VPS13C: variants seen among roughly 807,000 people sequenced by gnomAD.
VPS13C encodes intermembrane lipid transfer protein VPS13C.
In VPS13C, 358 loss-of-function variants were observed where a neutral mutation model predicts 456.8. That is an observed-to-expected ratio of 0.78 (90% CI 0.72 to 0.86). The LOEUF is 0.86. VPS13C is among the 40% of genes least tolerant of loss of function. The probability of loss-of-function intolerance (pLI) is 0.00; values close to 1 mark genes in which losing one functional copy is unlikely to be tolerated. For missense variants in VPS13C, 4,818 were observed against 4,385.4 expected, an observed-to-expected ratio of 1.10 and a Z score of -2.79; for synonymous variants, 1,578 against 1,486.7, an observed-to-expected ratio of 1.06 and a Z score of -1.41.
rs796333079 is a variant in VPS13C at position 61,881,487 on chromosome 15, A to C, written c.9776+76T>G. The C allele has an allele frequency of 7.0e-6, 10 of 1,427,336 alleles. No homozygotes were observed. The African/African-American group carries it at 1.5e-4, about 21-fold the overall frequency. 88.4% of individuals were successfully genotyped at this position (1,427,336 alleles called of 1,614,324 possible). ...ACTTTTTACATGAAAGTCACTTTCA[A>C]AAAGAGTAAGATTTATTTTCAAAGT... is the stretch of plus-strand genomic sequence containing the variant. On this transcript the variant is annotated intron_variant, in intron 71 of 84. Transcript: ENST00000644861.
chr15:61,962,223 T>C (rs1197190494), intron 34 of VPS13C, 148 bp downstream of exon 34: 4 of 678,616 alleles, frequency 5.9e-6, no homozygotes, highest in East Asian at 3.0e-5. Context: ...AACTGTTAAA[T>C]AGGGGTTTTG....
chr15:61,992,499 G>A (rs1203532124), intron 16 of VPS13C, among the ~76,000 whole-genome samples: 4 of 152,012 alleles, frequency 2.6e-5, no homozygotes, highest in Non-Finnish European at 5.9e-5. Context: ...GTAGTGAATC[G>A]GTAACATATT....
chr15:61,937,090 C>T (rs1320202635), intron 47 of VPS13C, among the ~76,000 whole-genome samples: 2 of 152,010 alleles, frequency 1.3e-5, no homozygotes, highest in Non-Finnish European at 2.9e-5. Context: ...TCAACCAGTA[C>T]CAGTTCCTTC....
intron 9 of VPS13C, among the ~76,000 whole-genome samples, chr15:62,016,795 G>A (rs1045513896): frequency 3.9e-5 from 6 of 152,164 alleles, no homozygotes. Context: ...CCAGTAATAG[G>A]ATGGCTAGGT....
chr15:61,937,783 G>T (rs1330657793), intron 47 of VPS13C, among the ~76,000 whole-genome samples: 1 of 152,050 alleles, frequency 6.6e-6, no homozygotes, highest in African/African-American at 2.4e-5. Context: ...TCTAAAATAG[G>T]CATAATACCA....
At chr15:61,929,961 T>C (rs1180411901) in intron 50 of VPS13C, among the ~76,000 whole-genome samples, 1 of 152,202 alleles carries the variant, frequency 6.6e-6, no homozygotes, top group African/African-American at 2.4e-5. Context: ...AATTACTGAA[T>C]ATTTTATACT....
rs2140826381 is a variant in VPS13C, at chr15:61,854,113, T to C, written c.*344A>G. 4.0e-6 allele frequency: 1 copy of C among 248,214 alleles called. No individual in the cohort carries two copies. The highest frequency in any genetic ancestry group is 7.8e-6 in the Non-Finnish European group (1 of 128,122). The allele number at this position is 248,214 out of a possible 1,614,324, so 15.4% of individuals were successfully genotyped here. Reference sequence around the variant, plus strand: ...AAGAACACTAGTCATTCTAAGCTCATTTCTTATTCTTCAGTAAGGCTTTAA... The same window carrying C: ...AAGAACACTAGTCATTCTAAGCTCACTTCTTATTCTTCAGTAAGGCTTTAA... On this transcript the variant is annotated 3_prime_UTR_variant, in exon 85 of 85. Coordinates refer to ENST00000644861, the MANE Select transcript of VPS13C (RefSeq NM_020821.3).
At chr15:62,017,638 G>A (rs2047305496) in intron 9 of VPS13C, among the ~76,000 whole-genome samples, 1 of 152,182 alleles carries the variant, frequency 6.6e-6, no homozygotes, top group South Asian at 2.1e-4. Flanking sequence ...CTGTTTCATT[G>A]GTCTGTATCT....
Position 62,037,237 on chromosome 15 carries a change from AATATATATAATATATTTATATATAT to A in VPS13C, c.188-2210_188-2186del, listed in dbSNP as rs1567136240. ...TATATTATATAATATATTATATATA[AATATATATAATATATTTATATATAT>A]TATATTATATAATATATTATATATA... On this transcript the variant is annotated intron_variant, in intron 3 of 84. Transcript: ENST00000644861. Among the ~76,000 whole-genome samples, 4 of 53,918 alleles carry A rather than the reference AATATATATAATATATTTATATATAT, an allele frequency of 7.4e-5. No individual in the cohort carries two copies. The East Asian group carries it at 1.3e-3, about 17-fold the overall frequency. 35.4% of individuals were successfully genotyped at this position (53,918 alleles called of 152,430 possible). A position where few individuals can be genotyped will look rare whatever the true frequency, so the allele number is the denominator to read the frequency against.
At chr15:61,914,335 G>A (rs986461808) in intron 61 of VPS13C, among the ~76,000 whole-genome samples, 19 of 152,086 alleles carry the variant, frequency 1.2e-4, no homozygotes, top group Admixed American at 3.3e-4. Context: ...TTGAGAGGCC[G>A]AGGCTGGCAG....
At chr15:62,041,430 T>C in intron 2 of VPS13C, 64 bp from the exon 3 acceptor site, 4 of 1,491,322 alleles carry the variant, frequency 2.7e-6, no homozygotes, top group Non-Finnish European at 2.7e-6. Flanking sequence ...AAAATCACTT[T>C]TGTGTGATCA....
At chr15:61,915,581 T>G (rs1596326257) in intron 61 of VPS13C, 52 bp downstream of exon 61, 3 of 1,500,404 alleles carry the variant, frequency 2.0e-6, no homozygotes, top group East Asian at 2.3e-5. Flanking sequence ...ACTCCCAAGT[T>G]TCTAGATTAG....
rs542993507 is a variant in VPS13C, at chr15:61,873,515, A to G, written c.10415-106T>C. On this transcript the variant is annotated intron_variant, in intron 77 of 84. Coordinates refer to ENST00000644861, the MANE Select transcript of VPS13C (RefSeq NM_020821.3). ...ATTTTAAAATAGGCAAACGATCTGA[A>G]TAAATATTTCTGAAAAGGAGACATA... 1.7e-5 allele frequency: 19 copies of G among 1,136,090 alleles called. No individual in the cohort carries two copies. In the African/African-American group the frequency reaches 2.8e-4, roughly 17 times the overall value. The allele number at this position is 1,136,090 out of a possible 1,614,324, so 70.4% of individuals were successfully genotyped here.
chr15:61,924,516 T>G (rs956392051), intron 53 of VPS13C, among the ~76,000 whole-genome samples: 2 of 152,194 alleles, frequency 1.3e-5, no homozygotes, highest in African/African-American at 4.8e-5. Flanking sequence ...AAAAACGTTT[T>G]TTGAATCAAT....
intron 66 of VPS13C, among the ~76,000 whole-genome samples, chr15:61,899,505 A>T (rs942071475): frequency 1.3e-5 from 2 of 152,224 alleles, no homozygotes; most frequent in Non-Finnish European, 1.5e-5. Flanking sequence ...TAAACTAGAA[A>T]ATCTAGAAGA....
intron 15 of VPS13C, among the ~76,000 whole-genome samples, chr15:62,003,259 G>C (rs866825176): frequency 1.3e-5 from 2 of 150,844 alleles, no homozygotes; most frequent in African/African-American, 5.0e-5. Context: ...GGATTCCTAG[G>C]TATTTTATTC....
Position 61,919,380 on chromosome 15 carries a change from C to T in VPS13C, c.7547G>A (p.Arg2516Gln), listed in dbSNP as rs766555427. The change falls in exon 58 of 85, where the codon CGG becomes CAG. Residue 2516 changes from arginine to glutamine, a missense_variant. Physicochemically the swap from Arg to Gln is conservative, Grantham distance 43. This residue lies in a region of VPS13C where 4,552 missense variants were observed against 4,130.6 expected (regional missense o/e 1.10). Coordinates refer to ENST00000644861, the MANE Select transcript of VPS13C (RefSeq NM_020821.3). ...ARPGRRLYNVRNPNASHSDSV... is the reference protein window; with the variant it reads ...ARPGRRLYNVQNPNASHSDSV... ...GTCAGAATGACTGGCATTGGGATTC[C>T]GTACATTATACAATCGCCGTCCAGG... The T allele has an allele frequency of 6.9e-6, 11 of 1,603,898 alleles. No individual in the cohort carries two copies. Among genetic ancestry groups the T allele is most frequent in the East Asian group, 2.3e-5 (1 of 44,104 alleles).
intron 73 of VPS13C, among the ~76,000 whole-genome samples, chr15:61,880,161 A>G (rs1895739558): frequency 6.6e-6 from 1 of 152,122 alleles, no homozygotes; most frequent in South Asian, 2.1e-4. Flanking sequence ...AAAGGTATCC[A>G]ATTTTCCACT....
chr15:62,010,297 T>A (rs1166775057), intron 13 of VPS13C, among the ~76,000 whole-genome samples, 175 bp downstream of exon 13: 1 of 152,176 alleles, frequency 6.6e-6, no homozygotes, highest in Non-Finnish European at 1.5e-5. Flanking sequence ...AATAAAATTT[T>A]AAAAAACTAC....
Sources: gnomAD v4.1 joint callset for allele counts (sites outside exome capture counted in the v4.1 genomes callset) on GRCh38, gnomAD v4.1.1 for gene constraint, gnomAD v4.1.1 regional missense constraint, MANE v1.5 for transcripts, NCBI Gene and HGNC (gene_info 2026-07-23, HGNC 2026-07-21) for gene names.